UBE3C: variants seen among roughly 807,000 people sequenced by gnomAD.
UBE3C encodes the protein ubiquitin-protein ligase E3C.
In UBE3C, 42 loss-of-function variants were observed where a neutral mutation model predicts 129.4. That is an observed-to-expected ratio of 0.32 (90% CI 0.25 to 0.42). The LOEUF (loss-of-function observed/expected upper bound fraction) is 0.42, where lower values mean the gene tolerates loss of function less well. Ranked by LOEUF, UBE3C falls within the 10% of genes least tolerant of loss-of-function variation. The pLI is 1.00. For missense variants in UBE3C, 1,049 were observed against 1,319.1 expected (o/e 0.80, Z 3.17); for synonymous variants, 510 against 492.4 (o/e 1.04, Z -0.47).
intron 1 of UBE3C, among the ~76,000 whole-genome samples, chr7:157,147,066 A>C (rs1807625552): frequency 7.2e-6 from 1 of 138,466 alleles, no homozygotes; most frequent in African/African-American, 2.5e-5. Context: ...TGATATTCAC[A>C]AAAAAAACCT....
intron 21 of UBE3C, 67 bp from the exon 22 acceptor site, chr7:157,256,847 A>G (rs1398818294): frequency 1.9e-5 from 30 of 1,598,550 alleles, no homozygotes; most frequent in Non-Finnish European, 2.3e-5. Context: ...GTCTGGACCA[A>G]TCCCTGTGGG....
chr7:157,184,855 A>T (rs10228507), intron 9 of UBE3C, among the ~76,000 whole-genome samples: 53 of 152,116 alleles, frequency 3.5e-4, no homozygotes, highest in African/African-American at 6.7e-4. Context: ...GATTTTTTTT[A>T]AAAAATAAGA....
intron 10 of UBE3C, among the ~76,000 whole-genome samples, chr7:157,189,880 A>G (rs1217582492): frequency 2.6e-5 from 4 of 152,080 alleles, no homozygotes; most frequent in African/African-American, 9.7e-5. Context: ...GGCTCACTGC[A>G]ACCTCCACCT....
At chr7:157,248,330 A>G in intron 18 of UBE3C, 38 bp from the exon 19 acceptor site, 1 of 1,571,624 alleles carries the variant, frequency 6.4e-7, no homozygotes, top group Non-Finnish European at 8.7e-7. Context: ...GAAGGCTTGT[A>G]TATTCGATGC....
At chr7:157,214,036 C>A (rs908630453) in intron 13 of UBE3C, among the ~76,000 whole-genome samples, 1 of 152,046 alleles carries the variant, frequency 6.6e-6, no homozygotes, top group African/African-American at 2.4e-5. Context: ...ATCTTGATAT[C>A]CCATCCTTAA....
chr7:157,204,613 C>T (rs1185604454), intron 11 of UBE3C, among the ~76,000 whole-genome samples: 2 of 152,036 alleles, frequency 1.3e-5, no homozygotes, highest in African/African-American at 4.8e-5. Context: ...AGACATTTTG[C>T]AAATAACATC....
At chr7:157,177,577 G>A (rs528060716) in intron 5 of UBE3C, among the ~76,000 whole-genome samples, 2 of 152,212 alleles carry the variant, frequency 1.3e-5, no homozygotes, top group African/African-American at 4.8e-5. Context: ...GGCTTGTTAT[G>A]TGTAGCCCCG....
chr7:157,242,827 C>A (rs1469452165), intron 18 of UBE3C, among the ~76,000 whole-genome samples: 1 of 151,908 alleles, frequency 6.6e-6, no homozygotes, highest in South Asian at 2.1e-4. Context: ...GAGGCCAAGG[C>A]GGGAGAATCA....
intron 22 of UBE3C, among the ~76,000 whole-genome samples, chr7:157,258,718 C>A (rs1182370): frequency 0.75 from 113,030 of 151,448 alleles, 42,270 homozygotes; most frequent in Non-Finnish European, 0.77. Flanking sequence ...CCTCAGCCTC[C>A]CAAAGTGCTG....
Position 157,170,596 on chromosome 7 carries a change from A to C in UBE3C, c.342+146A>C. The C allele has an allele frequency of 3.7e-6, 3 of 819,412 alleles. No homozygotes were observed. In the East Asian group the frequency reaches 9.8e-5, roughly 27 times the overall value. 50.8% of individuals were successfully genotyped at this position (819,412 alleles called of 1,614,324 possible). On this transcript the variant is annotated intron_variant, in intron 4 of 22. Transcript: ENST00000348165. The stretch of plus-strand genomic sequence containing the variant: ...ACTTCTCAGCTAGCTGTGAGAGGTT[A>C]CCTATGTGGTGATGTGTTTTACCTC...
At chr7:157,215,336 T>G (rs1172470349) in intron 13 of UBE3C, among the ~76,000 whole-genome samples, 1 of 152,074 alleles carries the variant, frequency 6.6e-6, no homozygotes, top group Non-Finnish European at 1.5e-5. Flanking sequence ...TGGATTTGCA[T>G]TTCATAAAAT....
chr7:157,143,260 A>G (rs1246773716), intron 1 of UBE3C, among the ~76,000 whole-genome samples: 2 of 152,114 alleles, frequency 1.3e-5, no homozygotes, highest in Non-Finnish European at 2.9e-5. Context: ...AATTGGGGGT[A>G]TGTTTTTCTT....
intron 6 of UBE3C, among the ~76,000 whole-genome samples, chr7:157,179,844 A>G (rs1166698635): frequency 6.6e-6 from 1 of 152,160 alleles, no homozygotes; most frequent in Non-Finnish European, 1.5e-5. Flanking sequence ...TTGGCGTGTT[A>G]CTATTTTTTA....
chr7:157,217,503 C>T (rs533062689), intron 14 of UBE3C, among the ~76,000 whole-genome samples: 2 of 151,728 alleles, frequency 1.3e-5, no homozygotes, highest in East Asian at 2.0e-4. Flanking sequence ...ATTACTAATA[C>T]CTACATCTAA....
intron 13 of UBE3C, among the ~76,000 whole-genome samples, chr7:157,213,926 A>G (rs1289420968): frequency 6.6e-6 from 1 of 152,198 alleles, no homozygotes; most frequent in Non-Finnish European, 1.5e-5. Context: ...AGAAAGCAAT[A>G]TTTTGGACAT....
At chr7:157,223,874 C>G (rs749284887) in intron 16 of UBE3C, among the ~76,000 whole-genome samples, 1 of 152,126 alleles carries the variant, frequency 6.6e-6, no homozygotes, top group Non-Finnish European at 1.5e-5. Context: ...GAGCCAAGAT[C>G]GTGCCAGTAC....
intron 1 of UBE3C, among the ~76,000 whole-genome samples, chr7:157,141,454 C>T (rs1001553092): frequency 2.0e-5 from 3 of 152,154 alleles, no homozygotes; most frequent in Non-Finnish European, 4.4e-5. Context: ...AACCTATAGC[C>T]AGTGTTGCCC....
At chr7:157,258,751 T>C (rs1303889029) in intron 22 of UBE3C, among the ~76,000 whole-genome samples, 1 of 152,228 alleles carries the variant, frequency 6.6e-6, no homozygotes, top group Non-Finnish European at 1.5e-5. Flanking sequence ...TGAGCCATCA[T>C]GCCCGGCCCC....
intron 14 of UBE3C, among the ~76,000 whole-genome samples, chr7:157,217,714 G>A (rs1044542420): frequency 2.6e-5 from 4 of 152,134 alleles, no homozygotes; most frequent in Non-Finnish European, 5.9e-5. Context: ...GCAGACGCCT[G>A]TAATCCCAGC....
Sources: gnomAD v4.1 joint callset for allele counts (sites outside exome capture counted in the v4.1 genomes callset) on GRCh38, gnomAD v4.1.1 for gene constraint, MANE v1.5 for transcripts, NCBI Gene and HGNC (gene_info 2026-07-23, HGNC 2026-07-21) for gene names.